The following ZNF469 variants were observed in gnomAD, a reference collection of about 807,000 sequenced individuals.
ZNF469 encodes the protein zinc finger protein 469.
A neutral mutation model predicts 1.0 loss-of-function variants in ZNF469; 1 was observed. The observed-to-expected ratio is 1.00, with a 90% confidence interval of 0.35 to 4.73. The LOEUF is 4.73. ZNF469 is among the 30% of genes most tolerant of loss of function. The probability of loss-of-function intolerance (pLI) is 0.16; values close to 1 mark genes in which losing one functional copy is unlikely to be tolerated. For missense variants in ZNF469, 6,100 were observed against 5,356.3 expected (o/e 1.14, Z -4.33); for synonymous variants, 2,703 against 2,363.4 (o/e 1.14, Z -4.17).
At chr16:88,120,940 T>C in the ZNF469 span, among the ~76,000 whole-genome samples, 1 of 152,278 alleles carries the variant, frequency 6.6e-6, no homozygotes, top group East Asian at 1.9e-4. Context: ...GCGGCGTTTC[T>C]TGGCCGCAGG....
chr16:88,221,260 C>G, the ZNF469 span, among the ~76,000 whole-genome samples: 1 of 152,328 alleles, frequency 6.6e-6, no homozygotes, highest in African/African-American at 2.4e-5. Flanking sequence ...CTAGCCGTGG[C>G]TTCCTCATCA....
At chr16:88,386,221 G>T (rs1414313894) in intron 1 of ZNF469, among the ~76,000 whole-genome samples, 2 of 152,096 alleles carry the variant, frequency 1.3e-5, no homozygotes, top group Admixed American at 6.5e-5. Context: ...GGGAGAGTGT[G>T]ACCAGCCCGT....
At chr16:88,197,667 C>T in the ZNF469 span, among the ~76,000 whole-genome samples, 5 of 152,222 alleles carry the variant, frequency 3.3e-5, no homozygotes, top group East Asian at 1.9e-4. Flanking sequence ...CCACCCAGTA[C>T]GATGGTGTGG....
the ZNF469 span, among the ~76,000 whole-genome samples, chr16:88,127,141 G>C: frequency 6.6e-6 from 1 of 152,106 alleles, no homozygotes; most frequent in Non-Finnish European, 1.5e-5. Context: ...TGTTTTCTGG[G>C]ATGGATTTGC....
chr16:88,210,047 G>T, the ZNF469 span, among the ~76,000 whole-genome samples: 1 of 152,218 alleles, frequency 6.6e-6, no homozygotes, highest in Non-Finnish European at 1.5e-5. Context: ...GCTTTCTCAT[G>T]GGAACATGTT....
the ZNF469 span, among the ~76,000 whole-genome samples, chr16:88,357,317 G>A: frequency 1.8e-4 from 28 of 152,242 alleles, no homozygotes; most frequent in Admixed American, 3.9e-4. Flanking sequence ...AGCTGTCACT[G>A]CAGCGTGGTG....
the ZNF469 span, among the ~76,000 whole-genome samples, chr16:88,144,985 G>A: frequency 1.7e-4 from 26 of 151,764 alleles, no homozygotes; most frequent in Non-Finnish European, 1.5e-5. Flanking sequence ...GAGTAGCTGG[G>A]ATTACAGGCT....
At chr16:88,296,355 C>T in the ZNF469 span, among the ~76,000 whole-genome samples, 1 of 152,322 alleles carries the variant, frequency 6.6e-6, no homozygotes, top group Admixed American at 6.5e-5. Context: ...CACACACTCA[C>T]ACACACATGC....
chr16:88,175,652 G>A, the ZNF469 span, among the ~76,000 whole-genome samples: 9 of 152,168 alleles, frequency 5.9e-5, no homozygotes, highest in African/African-American at 1.7e-4. Context: ...GCGTGAAAAC[G>A]GAAATGCAAT....
At chr16:88,369,379 G>A in the ZNF469 span, among the ~76,000 whole-genome samples, 1 of 152,208 alleles carries the variant, frequency 6.6e-6, no homozygotes, top group Non-Finnish European at 1.5e-5. Flanking sequence ...AGGGCTCCTT[G>A]GCATTGCCTG....
chr16:88,120,934 C>T, the ZNF469 span, among the ~76,000 whole-genome samples: 3 of 152,240 alleles, frequency 2.0e-5, no homozygotes, highest in South Asian at 2.1e-4. Flanking sequence ...AGCCATGCGG[C>T]GTTTCTTGGC....
the ZNF469 span, among the ~76,000 whole-genome samples, chr16:88,125,409 C>T: frequency 1.1e-4 from 17 of 152,210 alleles, no homozygotes; most frequent in African/African-American, 3.9e-4. Context: ...AGAGGGAATC[C>T]TCCCTAAGTC....
chr16:88,297,312 G>A, the ZNF469 span, among the ~76,000 whole-genome samples: 2 of 152,224 alleles, frequency 1.3e-5, no homozygotes, highest in Non-Finnish European at 2.9e-5. Context: ...CCGTTGCTCA[G>A]CAGGGTCCCG....
the ZNF469 span, among the ~76,000 whole-genome samples, chr16:88,360,058 T>C: frequency 6.6e-6 from 1 of 152,224 alleles, no homozygotes; most frequent in Non-Finnish European, 1.5e-5. Flanking sequence ...GGTTTCATCA[T>C]GTTGGCCAGG....
In ZNF469 at chr16:88,436,294, G is replaced by A. The variant is rs372436770; in HGVS notation, c.8824G>A (p.Gly2942Arg). ...TCTGCCCGAGTCCTTCCTCCTGGAT[G>A]GGTTCCTCAATAGCAGGGTGCCTGG... ...AGLPESFLLD[G>R]FLNSRVPGID... Residue 2942 changes from glycine to arginine, a missense_variant, in exon 3 of 3, where the codon GGG becomes AGG. Gly to Arg is a moderately radical substitution (Grantham distance 125). Coordinates refer to ENST00000565624, the MANE Select transcript of ZNF469 (RefSeq NM_001367624.2). 7 of 1,549,822 alleles carry A rather than the reference G, an allele frequency of 4.5e-6. No homozygotes were observed. The East Asian group carries it at 1.5e-4, about 32-fold the overall frequency.
At chr16:88,411,620 G>T (rs967975918) in intron 1 of ZNF469, among the ~76,000 whole-genome samples, 29 of 152,284 alleles carry the variant, frequency 1.9e-4, no homozygotes, top group Non-Finnish European at 3.5e-4. Flanking sequence ...AGAACGGGGT[G>T]TAGGGAGCCC....
At chr16:88,153,115 C>G in the ZNF469 span, among the ~76,000 whole-genome samples, 1 of 152,156 alleles carries the variant, frequency 6.6e-6, no homozygotes, top group African/African-American at 2.4e-5. Flanking sequence ...TTGGCGGGGC[C>G]GGGGGTGTGG....
chr16:88,147,477 C>T, the ZNF469 span, among the ~76,000 whole-genome samples: 13,354 of 152,008 alleles, frequency 0.088, 890 homozygotes, highest in Non-Finnish European at 0.13. Context: ...GAATTCAGGC[C>T]GATGGAATCC....
chr16:88,434,588 G>T lies in ZNF469; in HGVS notation c.7118G>T (p.Ser2373Ile). ...TGCCTGGAAGGTGAGATGGGGACCA[G>T]CAGCAAGGAGCCGGAGGACCCAGGG... is the stretch of plus-strand genomic sequence containing the variant. ...PACLEGEMGT[S>I]SKEPEDPGTP... Residue 2373 changes from serine to isoleucine, a missense_variant, in exon 3 of 3, where the codon AGC (serine) becomes ATC (isoleucine). By Grantham distance (142) the Ser-to-Ile change is moderately radical (BLOSUM62 -2). Coordinates refer to ENST00000565624, the MANE Select transcript of ZNF469 (RefSeq NM_001367624.2). 1 of 1,550,378 alleles carries T rather than the reference G, an allele frequency of 6.5e-7. No homozygotes were observed. The highest frequency in any genetic ancestry group is 8.7e-7 in the Non-Finnish European group (1 of 1,146,952).
Sources: gnomAD v4.1 joint callset for allele counts (sites outside exome capture counted in the v4.1 genomes callset) on GRCh38, gnomAD v4.1.1 for gene constraint, MANE v1.5 for transcripts, NCBI Gene and HGNC (gene_info 2026-07-23, HGNC 2026-07-21) for gene names.